The following RNF220 variants were observed in gnomAD, a reference collection of about 807,000 sequenced individuals.
RNF220 encodes the protein E3 ubiquitin-protein ligase RNF220.
Under a neutral mutation model 67.1 loss-of-function variants are expected in RNF220, and 7 were observed. The observed-to-expected ratio is 0.10, with a 90% CI of 0.06 to 0.20. The LOEUF (loss-of-function observed/expected upper bound fraction) is 0.20. RNF220 is among the 10% of genes least tolerant of loss of function. RNF220 has a pLI of 1.00. For synonymous variants in RNF220, 270 were observed against 283.2 expected, an observed-to-expected ratio of 0.95 and a Z score of 0.47; for missense variants, 565 against 740.3, an observed-to-expected ratio of 0.76 and a Z score of 2.75.
intron 2 of RNF220, among the ~76,000 whole-genome samples, chr1:44,491,361 A>G (rs1656836553): frequency 6.6e-6 from 1 of 152,168 alleles, no homozygotes; most frequent in African/African-American, 2.4e-5. Context: ...ATTCTAGTGA[A>G]CCAAAGCCAG....
In RNF220 at chr1:44,599,912, G is replaced by A. The variant is rs1241947545; in HGVS notation, c.626-14253G>A. 5.3e-5 allele frequency among the ~76,000 whole-genome samples: 8 copies of A among 152,300 alleles called. No individual in the cohort carries two copies. In the South Asian group the frequency reaches 1.7e-3, roughly 32 times the overall value. ...TAGGATCTGATTTGTGTTTTAGGAAGATCCTTGTAACTGTAGGGATGGAAT... is the reference window on the plus strand; with the variant it reads ...TAGGATCTGATTTGTGTTTTAGGAAAATCCTTGTAACTGTAGGGATGGAAT... On this transcript the variant is annotated intron_variant, in intron 2 of 14. Coordinates refer to ENST00000361799, the MANE Select transcript of RNF220 (RefSeq NM_018150.4).
intron 5 of RNF220, chr1:44,631,786 A>G (rs1297028094): frequency 1.9e-6 from 1 of 520,238 alleles, no homozygotes; most frequent in Non-Finnish European, 2.5e-6. Flanking sequence ...AGTGGGGTGG[A>G]AGGACTTCGC....
rs549721079 is a variant in RNF220 at position 44,590,702 on chromosome 1, C to CGG, written c.626-23457_626-23456dup. Among the ~76,000 whole-genome samples, 6 of 152,194 alleles carry CGG rather than the reference C, an allele frequency of 3.9e-5. No individual in the cohort carries two copies. In the South Asian group the frequency reaches 1.2e-3, roughly 32 times the overall value. On this transcript the variant is annotated intron_variant, in intron 2 of 14. Transcript: ENST00000361799. ...GATACCAGAGATGATGAATAGGAAG[C>CGG]GGGGGGGCCAGGGAGGATTCATTCA... is the stretch of plus-strand genomic sequence containing the variant.
chr1:44,585,254 G>C (rs1665613250), intron 2 of RNF220, among the ~76,000 whole-genome samples: 2 of 152,116 alleles, frequency 1.3e-5, no homozygotes, highest in African/African-American at 2.4e-5. Context: ...TGTTCCCTCT[G>C]CTAGCACTTG....
chr1:44,468,750 C>G (rs1654504873), intron 2 of RNF220, among the ~76,000 whole-genome samples: 1 of 151,490 alleles, frequency 6.6e-6, no homozygotes, highest in Admixed American at 6.6e-5. Context: ...TCGGTCTCTA[C>G]AAAAAAATAC....
intron 2 of RNF220, among the ~76,000 whole-genome samples, chr1:44,462,910 C>G (rs957115298): frequency 2.0e-5 from 3 of 152,176 alleles, no homozygotes; most frequent in South Asian, 2.1e-4. Flanking sequence ...GCCTGTAGTC[C>G]CAGCTACTCA....
At chr1:44,501,232 T>TG (rs890032778) in intron 2 of RNF220, among the ~76,000 whole-genome samples, 1 of 60,116 alleles carries the variant, frequency 1.7e-5, no homozygotes, top group African/African-American at 6.6e-5. Context: ...GGGAAGGGTG[T>TG]GGGGGGGTGA....
At chr1:44,545,273 C>T (rs74070515) in intron 2 of RNF220, among the ~76,000 whole-genome samples, 8,899 of 152,174 alleles carry the variant, frequency 0.058, 324 homozygotes, top group African/African-American at 0.11. Flanking sequence ...GGAGGGAGGG[C>T]AGTTTCTGAG....
At chr1:44,410,226 G>C (rs1647829566) in intron 1 of RNF220, among the ~76,000 whole-genome samples, 1 of 152,182 alleles carries the variant, frequency 6.6e-6, no homozygotes, top group Non-Finnish European at 1.5e-5. Context: ...ATTGCTTGTT[G>C]ATAGATAAGT....
intron 2 of RNF220, among the ~76,000 whole-genome samples, chr1:44,518,903 C>G (rs888878134): frequency 5.4e-5 from 8 of 148,990 alleles, no homozygotes; most frequent in African/African-American, 2.0e-4. Context: ...AAAAAAAAAA[C>G]TTAATCCTGA....
intron 2 of RNF220, among the ~76,000 whole-genome samples, chr1:44,534,326 ATTT>A (rs1345935093): frequency 6.6e-6 from 1 of 150,938 alleles, no homozygotes; most frequent in Admixed American, 6.6e-5. Context: ...ATTATTTTTA[ATTT>A]TATTATTATT....
At chr1:44,578,163 T>TG (rs972659991) in intron 2 of RNF220, among the ~76,000 whole-genome samples, 3 of 148,588 alleles carry the variant, frequency 2.0e-5, no homozygotes, top group African/African-American at 5.0e-5. Context: ...TTTTTTTTTT[T>TG]GTTGAGACAG....
intron 2 of RNF220, among the ~76,000 whole-genome samples, chr1:44,470,217 C>G (rs942789496): frequency 3.9e-5 from 6 of 152,170 alleles, no homozygotes; most frequent in African/African-American, 1.4e-4. Context: ...TGGATTCCAT[C>G]TCAAGAGTGA....
chr1:44,501,264 A>C (rs1312493807), intron 2 of RNF220, among the ~76,000 whole-genome samples: 2 of 151,116 alleles, frequency 1.3e-5, no homozygotes, highest in Non-Finnish European at 2.9e-5. Flanking sequence ...CAGTATGGGG[A>C]GGAGTAGAGA....
intron 2 of RNF220, among the ~76,000 whole-genome samples, chr1:44,498,280 C>T (rs909437137): frequency 1.3e-5 from 2 of 152,142 alleles, no homozygotes; most frequent in African/African-American, 4.8e-5. Context: ...TACCGTCCTA[C>T]CCCAAGCTCC....
Position 44,416,899 on chromosome 1 carries a change from CTT to C in RNF220, c.625+4179_625+4180del, listed in dbSNP as rs568352095. 2.2e-3 allele frequency among the ~76,000 whole-genome samples: 339 copies of C among 152,294 alleles called. 2 individuals carry two copies. The highest frequency in any genetic ancestry group is 7.6e-3 in the African/African-American group (316 of 41,544). On this transcript the variant is annotated intron_variant, in intron 2 of 14. Transcript: ENST00000361799. Reference sequence around the variant, plus strand: ...GGAGATGGTATTTTGTACTCTGTGTCTTTATATAAAGGCATGTATCATTGAAG... The same window carrying C: ...GGAGATGGTATTTTGTACTCTGTGTCTATATAAAGGCATGTATCATTGAAG...
intron 2 of RNF220, among the ~76,000 whole-genome samples, chr1:44,473,823 A>G (rs904624634): frequency 1.3e-5 from 2 of 152,106 alleles, no homozygotes; most frequent in African/African-American, 2.4e-5. Context: ...AAAACATTCT[A>G]ACTGATGCCC....
intron 2 of RNF220, chr1:44,545,591 G>A (rs80199969): frequency 0.059 from 9,043 of 154,466 alleles, 359 homozygotes; most frequent in Non-Finnish European, 0.085. Flanking sequence ...CTGGCAGAGG[G>A]TGCAAGGGCA....
At chr1:44,430,703 C>A (rs1009051420) in intron 2 of RNF220, among the ~76,000 whole-genome samples, 2 of 152,158 alleles carry the variant, frequency 1.3e-5, no homozygotes, top group African/African-American at 2.4e-5. Flanking sequence ...TGCCACCACA[C>A]CTGGCTAATT....
Sources: gnomAD v4.1 joint callset for allele counts (sites outside exome capture counted in the v4.1 genomes callset) on GRCh38, gnomAD v4.1.1 for gene constraint, MANE v1.5 for transcripts, NCBI Gene and HGNC (gene_info 2026-07-23, HGNC 2026-07-21) for gene names.